The following RALYL variants were observed in gnomAD, a reference collection of about 807,000 sequenced individuals.
RALYL encodes RALY RNA binding protein like.
In RALYL, 29 loss-of-function variants were observed where a neutral mutation model predicts 35.1. That is an observed-to-expected ratio of 0.83 (90% CI 0.61 to 1.13). The LOEUF is 1.13. Ranked by LOEUF, RALYL falls within the 50% of genes most tolerant of loss-of-function variation. The pLI, the probability that RALYL is intolerant of heterozygous loss-of-function variation, is 0.00. For missense variants in RALYL, 359 were observed against 360.4 expected (o/e 1.00, Z 0.03); for synonymous variants, 120 against 127.6 (o/e 0.94, Z 0.40).
At chr8:84,223,209 CTCCCTTCCCTTCCCT>C (rs57387257) in intron 1 of RALYL, among the ~76,000 whole-genome samples, 46,063 of 91,648 alleles carry the variant, frequency 0.5, 10,382 homozygotes, top group Middle Eastern at 0.59. Flanking sequence ...CCTTCCATTC[CTCCCTTCCCTTCCCT>C]TCCCTTCCCT....
chr8:84,382,320 T>C (rs1185658241), intron 1 of RALYL, among the ~76,000 whole-genome samples: 1 of 151,514 alleles, frequency 6.6e-6, no homozygotes, highest in East Asian at 1.9e-4. Context: ...AGATTGTCAC[T>C]GGTTATTTTT....
intron 6 of RALYL, among the ~76,000 whole-genome samples, chr8:84,870,577 GTATATATA>G (rs36230993): frequency 4.0e-5 from 6 of 148,626 alleles, no homozygotes; most frequent in Admixed American, 6.7e-5. Flanking sequence ...TATCTGTAAT[GTATATATA>G]TATATATATA....
intron 1 of RALYL, among the ~76,000 whole-genome samples, chr8:84,277,571 T>A (rs1359312444): frequency 6.6e-6 from 1 of 152,178 alleles, no homozygotes; most frequent in East Asian, 1.9e-4. Context: ...CAAAGTCACA[T>A]CTGAGACAAG....
intron 1 of RALYL, among the ~76,000 whole-genome samples, chr8:84,509,684 T>TAAATTTTATA (rs1440369033): frequency 5.9e-5 from 9 of 152,162 alleles, no homozygotes; most frequent in African/African-American, 2.2e-4. Flanking sequence ...CATTCTGGGT[T>TAAATTTTATA]AATTTTTATA....
At chr8:84,502,756 A>T (rs1462918754) in intron 1 of RALYL, among the ~76,000 whole-genome samples, 1 of 152,022 alleles carries the variant, frequency 6.6e-6, no homozygotes, top group Non-Finnish European at 1.5e-5. Flanking sequence ...TATTGGAGTT[A>T]ATTTGTTCAT....
chr8:84,732,800 G>A (rs1284662385), intron 2 of RALYL, among the ~76,000 whole-genome samples: 3 of 151,486 alleles, frequency 2.0e-5, no homozygotes, highest in East Asian at 1.9e-4. Flanking sequence ...AGATTCAAGC[G>A]ATTCTCCTGT....
At chr8:84,868,738 G>A (rs1020275485) in intron 6 of RALYL, among the ~76,000 whole-genome samples, 11 of 152,096 alleles carry the variant, frequency 7.2e-5, no homozygotes, top group African/African-American at 2.7e-4. Context: ...GGGTATAGAT[G>A]TATGTAGGCA....
At chr8:84,572,797 T>C (rs1258852989) in intron 2 of RALYL, among the ~76,000 whole-genome samples, 1 of 151,804 alleles carries the variant, frequency 6.6e-6, no homozygotes, top group Non-Finnish European at 1.5e-5. Flanking sequence ...AATAATAATG[T>C]ACTTATTATG....
chr8:84,247,767 A>G (rs1829413136), intron 1 of RALYL, among the ~76,000 whole-genome samples: 1 of 152,172 alleles, frequency 6.6e-6, no homozygotes, highest in Admixed American at 6.6e-5. Context: ...CCAGCTCACC[A>G]TCTGCTCACA....
rs536091099 is a variant in RALYL at position 84,227,710 on chromosome 8, A to G, written c.-24+43286A>G. ...CACAATCTCCCCTGACTCCCCTGTT[A>G]CTATTATGGAATAATGTAAAGTTAA... On this transcript the variant is annotated intron_variant, in intron 1 of 8. Transcript: ENST00000521268. Among the ~76,000 whole-genome samples, 6 of 152,204 alleles carry G rather than the reference A, an allele frequency of 3.9e-5. No individual in the cohort carries two copies. The East Asian group carries it at 9.7e-4, about 25-fold the overall frequency.
chr8:84,227,268 C>G (rs1824157401), intron 1 of RALYL, among the ~76,000 whole-genome samples: 1 of 151,738 alleles, frequency 6.6e-6, no homozygotes, highest in Non-Finnish European at 1.5e-5. Context: ...CCATGTTGGC[C>G]ACACTGGTCT....
chr8:84,314,856 A>G (rs1351059120), intron 1 of RALYL, among the ~76,000 whole-genome samples: 1 of 152,240 alleles, frequency 6.6e-6, no homozygotes, highest in Non-Finnish European at 1.5e-5. Context: ...TTGATATGAA[A>G]AAGAACAGTT....
intron 2 of RALYL, among the ~76,000 whole-genome samples, chr8:84,654,088 A>AAT (rs1286303378): frequency 5.3e-5 from 8 of 149,648 alleles, no homozygotes; most frequent in South Asian, 2.1e-4. Flanking sequence ...CACACACACA[A>AAT]ATATATATAT....
intron 2 of RALYL, among the ~76,000 whole-genome samples, chr8:84,537,410 C>T (rs1416602367): frequency 6.7e-6 from 1 of 149,114 alleles, no homozygotes; most frequent in Non-Finnish European, 1.5e-5. Flanking sequence ...ATTGAGGTAG[C>T]GGGCTACAGT....
chr8:84,217,622 AT>A (rs2131261635), intron 1 of RALYL, among the ~76,000 whole-genome samples: 1 of 152,158 alleles, frequency 6.6e-6, no homozygotes, highest in African/African-American at 2.4e-5. Flanking sequence ...CATATATACG[AT>A]TTTTTAAAGG....
At chr8:84,450,036 G>A (rs563470178) in intron 1 of RALYL, among the ~76,000 whole-genome samples, 4 of 151,790 alleles carry the variant, frequency 2.6e-5, no homozygotes, top group South Asian at 2.1e-4. Context: ...ATGAGTTATA[G>A]CATTGTTGTA....
At chr8:84,436,605 G>T (rs1335107789) in intron 1 of RALYL, among the ~76,000 whole-genome samples, 2 of 125,640 alleles carry the variant, frequency 1.6e-5, no homozygotes, top group African/African-American at 3.1e-5. Flanking sequence ...TGTTTGGGAA[G>T]ACAGTGGTGG....
At chr8:84,763,972 T>C (rs984331784) in intron 2 of RALYL, among the ~76,000 whole-genome samples, 15 of 151,042 alleles carry the variant, frequency 9.9e-5, no homozygotes, top group Non-Finnish European at 2.2e-4. Context: ...TCAAAGGTGT[T>C]TTGACAATTA....
At chr8:84,286,678 G>A (rs1187811598) in intron 1 of RALYL, among the ~76,000 whole-genome samples, 2 of 152,114 alleles carry the variant, frequency 1.3e-5, no homozygotes, top group African/African-American at 2.4e-5. Flanking sequence ...ATCTAGAAAG[G>A]TGGGACATCT....
Sources: gnomAD v4.1 joint callset for allele counts (sites outside exome capture counted in the v4.1 genomes callset) on GRCh38, gnomAD v4.1.1 for gene constraint, MANE v1.5 for transcripts, NCBI Gene and HGNC (gene_info 2026-07-23, HGNC 2026-07-21) for gene names.